Variants in NUP205 observed in about 807,000 individuals in gnomAD.
NUP205 encodes nuclear pore complex protein Nup205.
Under a neutral mutation model 253.8 loss-of-function variants are expected in NUP205, and 76 were observed. That is an observed-to-expected ratio of 0.30 (90% CI 0.25 to 0.36). The LOEUF is 0.36. Ranked by LOEUF, NUP205 falls within the 10% of genes least tolerant of loss-of-function variation. The probability of loss-of-function intolerance (pLI) is 1.00; values close to 1 mark genes in which losing one functional copy is unlikely to be tolerated. For missense variants in NUP205, 2,162 were observed against 2,425.5 expected, an observed-to-expected ratio of 0.89 and a Z score of 2.28; for synonymous variants, 832 against 850.1, an observed-to-expected ratio of 0.98 and a Z score of 0.37.
intron 18 of NUP205, 21 bp from the exon 19 acceptor site, chr7:135,604,319 A>C (rs994923324): frequency 6.3e-7 from 1 of 1,578,440 alleles, no homozygotes; most frequent in South Asian, 1.2e-5. Context: ...CTGTTCCTCA[A>C]ATGTTTTCTT....
At chr7:135,572,568 G>A (rs1340491761) in intron 2 of NUP205, among the ~76,000 whole-genome samples, 1 of 152,126 alleles carries the variant, frequency 6.6e-6, no homozygotes, top group Non-Finnish European at 1.5e-5. Context: ...TCCTTTGCGT[G>A]TATGTGTTTG....
chr7:135,564,943 A>AT (rs948778513), intron 1 of NUP205, among the ~76,000 whole-genome samples: 8 of 150,384 alleles, frequency 5.3e-5, no homozygotes, highest in Admixed American at 2.7e-4. Context: ...CTTTTTAAAA[A>AT]TTTTTTGTAG....
intron 16 of NUP205, 38 bp downstream of exon 16, chr7:135,601,007 TATTTATA>T (rs1793954693): frequency 9.2e-7 from 1 of 1,089,412 alleles, no homozygotes; most frequent in Non-Finnish European, 1.4e-6. Context: ...AGTTGTCAAC[TATTTATA>T]ATTTATAAAT....
At chr7:135,609,634 C>T (rs12707243) in intron 22 of NUP205, among the ~76,000 whole-genome samples, 23,679 of 151,164 alleles carry the variant, frequency 0.16, 1,932 homozygotes, top group Non-Finnish European at 0.18. Flanking sequence ...GGCAACAGAG[C>T]GAGACCCCAT....
chr7:135,578,075 G>A (rs1363520363), intron 6 of NUP205, 51 bp downstream of exon 6: 1 of 1,351,844 alleles, frequency 7.4e-7, no homozygotes, highest in Non-Finnish European at 1.1e-6. Flanking sequence ...ATTTAAAATT[G>A]TGGGGATAAC....
rs1347632324 is a variant in NUP205 at position 135,622,818 on chromosome 7, G to A, written c.4372G>A (p.Val1458Ile). The change falls in exon 31 of 43, where the codon GTA becomes ATA. Residue 1458 changes from valine to isoleucine, a missense_variant. By Grantham distance (29) the Val-to-Ile change is conservative. Transcript: ENST00000285968. ...MWERLTAPED[V>I]FSKLQRENIA... Reference sequence around the variant, plus strand: ...GGAAAGGCTGACAGCCCCTGAAGATGTATTTAGCAAATTACAGCGAGAAAA... The same window carrying A: ...GGAAAGGCTGACAGCCCCTGAAGATATATTTAGCAAATTACAGCGAGAAAA... 1.9e-6 allele frequency: 3 copies of A among 1,614,024 alleles called. No individual in the cohort carries two copies. The highest frequency in any genetic ancestry group is 2.5e-6 in the Non-Finnish European group (3 of 1,179,978).
At chr7:135,588,953 G>A (rs1213637243) in intron 10 of NUP205, among the ~76,000 whole-genome samples, 3 of 151,268 alleles carry the variant, frequency 2.0e-5, no homozygotes, top group Non-Finnish European at 3.0e-5. Context: ...GCTGAGGTGG[G>A]AAGATCGCTT....
At chr7:135,623,038 A>T (rs1794507937) in intron 31 of NUP205, 113 bp downstream of exon 31, 1 of 1,060,102 alleles carries the variant, frequency 9.4e-7, no homozygotes, top group South Asian at 1.6e-5. Flanking sequence ...AGTGCTTTCG[A>T]AGGCCAAGGT....
chr7:135,587,510 A>G, intron 8 of NUP205, 65 bp from the exon 9 acceptor site: 1 of 907,522 alleles, frequency 1.1e-6, no homozygotes, highest in Non-Finnish European at 1.6e-6. Flanking sequence ...CAGTTGCCTG[A>G]TTTCATTATT....
At position 135,616,118 on chromosome 7, in the gene NUP205, A is replaced by G. The variant is rs1215171616; in HGVS notation, c.3460+53A>G. ...CTGGTGACTAGTTGTCGTGAAGACA[A>G]GCACAAATCTGAAGCTTGTGCTTAG... On this transcript the variant is annotated intron_variant, in intron 24 of 42. Transcript: ENST00000285968. The G allele has an allele frequency of 2.6e-6, 4 of 1,519,196 alleles. No individual in the cohort carries two copies. The Admixed American group carries it at 5.5e-5, about 21-fold the overall frequency. The allele number at this position is 1,519,196 out of a possible 1,614,324, so 94.1% of individuals were successfully genotyped here.
In NUP205 at chr7:135,626,374, A is replaced by G. The variant is rs191636908; in HGVS notation, c.4793+13A>G. On this transcript the variant is annotated intron_variant, in intron 33 of 42. Transcript: ENST00000285968. Reference sequence around the variant, plus strand: ...CGGACCCGCAGAGGTAAGTGTCTGTATAGATTAATTTGGTTAAACTCCCAG... The same window carrying G: ...CGGACCCGCAGAGGTAAGTGTCTGTGTAGATTAATTTGGTTAAACTCCCAG... The G allele has an allele frequency of 8.7e-6, 14 of 1,604,994 alleles. No homozygotes were observed. The highest frequency in any genetic ancestry group is 4.0e-5 in the African/African-American group (3 of 74,556).
At chr7:135,618,694 A>T in intron 28 of NUP205, 91 bp downstream of exon 28, 1 of 1,128,208 alleles carries the variant, frequency 8.9e-7, no homozygotes. Flanking sequence ...TCCATTTTCG[A>T]TTGGGAGTAA....
rs141781749 is a variant in NUP205 at position 135,598,170 on chromosome 7, G to C, written c.2237G>C (p.Arg746Pro). The change falls in exon 15 of 43, where the codon CGA becomes CCA. Residue 746 changes from arginine to proline, a missense_variant. Physicochemically the swap from Arg to Pro is moderately radical, Grantham distance 103. This residue lies in a region of NUP205 where 892 missense variants were observed against 957.1 expected (regional missense o/e 0.93). Coordinates refer to ENST00000285968, the MANE Select transcript of NUP205 (RefSeq NM_015135.3). ...TTCCTTAGAGACTCTGTGTTTCTAC[G>C]ATTCCGTACAAGAGCTTACCGGAGA... ...LQFLRDSVFL[R>P]FRTRAYRRAA... is the part of the protein sequence containing the mutation. The C allele has an allele frequency of 1.2e-6, 2 of 1,613,920 alleles. No homozygotes were observed. The highest frequency in any genetic ancestry group is 2.7e-5 in the African/African-American group (2 of 74,894).
At chr7:135,576,854 C>G in intron 4 of NUP205, 115 bp from the exon 5 acceptor site, 1 of 960,508 alleles carries the variant, frequency 1.0e-6, no homozygotes, top group Admixed American at 2.8e-5. Context: ...TGCACTCCAG[C>G]CTGGGTGACA....
chr7:135,603,112 C>CTTTTTTTTTTTTTTTTTTTTTTTTTT (rs11300648), intron 18 of NUP205, 118 bp downstream of exon 18: 2 of 299,750 alleles, frequency 6.7e-6, no homozygotes, highest in Non-Finnish European at 1.1e-5. Flanking sequence ...CCTCATTTTA[C>CTTTTTTTTTTTTTTTTTTTTTTTTTT]TTTTTTTTTT....
chr7:135,568,585 C>T lies in NUP205; in HGVS notation c.29-2520C>T, dbSNP rs1375195923. ...CTAGCCTCAAGTGATCTGCCCGCCT[C>T]GGCCTTCCAAAGTGCTGGGATTATA... On this transcript the variant is annotated intron_variant, in intron 1 of 42. Transcript: ENST00000285968. Among the ~76,000 whole-genome samples the T allele has an allele frequency of 5.3e-5, 8 of 151,972 alleles. No individual in the cohort carries two copies. The East Asian group carries it at 9.7e-4, about 18-fold the overall frequency.
Position 135,637,913 on chromosome 7 carries a change from A to G in NUP205, c.5137-18A>G, listed in dbSNP as rs770606778. 14 of 1,595,578 alleles carry G rather than the reference A, an allele frequency of 8.8e-6. No homozygotes were observed. Among genetic ancestry groups the G allele is most frequent in the Middle Eastern group, 3.3e-4 (2 of 5,976 alleles). On this transcript the variant is annotated intron_variant, in intron 36 of 42. Transcript: ENST00000285968. ...ACTAATTTTAAATACATTTAACAAG[A>G]TATCTTTTTCTTGTTAGCGCCAGTG...
chr7:135,604,486 T>A (rs761785247), intron 19 of NUP205, 26 bp downstream of exon 19: 6 of 1,590,666 alleles, frequency 3.8e-6, no homozygotes, highest in Non-Finnish European at 4.3e-6. Flanking sequence ...GCTCTTGTTA[T>A]TTTTTGGTGC....
chr7:135,612,879 A>G (rs1448799235), intron 22 of NUP205, among the ~76,000 whole-genome samples: 2 of 152,212 alleles, frequency 1.3e-5, no homozygotes, highest in Admixed American at 1.3e-4. Flanking sequence ...TAGTGCTCAG[A>G]ATAAACATGT....
Sources: allele counts gnomAD v4.1 joint callset (sites outside exome capture counted in the v4.1 genomes callset), GRCh38; gene constraint gnomAD v4.1.1; regional missense constraint gnomAD v4.1.1; transcripts MANE v1.5; gene names NCBI Gene and HGNC (gene_info 2026-07-23, HGNC 2026-07-21).